Variants in STON1 observed in about 807,000 individuals in gnomAD.
STON1 encodes the protein stonin 1.
Under a neutral mutation model 60.9 loss-of-function variants are expected in STON1, and 79 were observed. The ratio of observed to expected loss-of-function variants is 1.30; its 90% CI spans 1.08 to 1.56. The LOEUF (loss-of-function observed/expected upper bound fraction) is 1.56, where lower values mean the gene tolerates loss of function less well. Among genes scored for constraint, STON1 ranks in the 40% most tolerant of loss-of-function variants. The pLI is 0.00. For synonymous variants in STON1, 363 were observed against 306.9 expected, an observed-to-expected ratio of 1.18 and a Z score of -1.91; for missense variants, 1,166 against 858.9, an observed-to-expected ratio of 1.36 and a Z score of -4.47.
In STON1 at chr2:48,564,555, CTTCTTCTT is replaced by C. The variant is rs1558605528; in HGVS notation, c.-47-16031_-47-16024del. The stretch of plus-strand genomic sequence containing the variant: ...TCTTCTTCTTCTTCTTCTTCTTCTT[CTTCTTCTT>C]CTTCTCCTTCTCCTTCTCCTCCTCC... On this transcript the variant is annotated intron_variant, in intron 1 of 3. Coordinates refer to ENST00000404752, the MANE Select transcript of STON1 (RefSeq NM_006873.4). Among the ~76,000 whole-genome samples the C allele has an allele frequency of 9.8e-4, 55 of 55,892 alleles. 1 individual carries two copies. The highest frequency in any genetic ancestry group is 2.1e-3 in the African/African-American group (30 of 14,460). The allele number at this position is 55,892 out of a possible 152,430, so 36.7% of individuals were successfully genotyped here.
chr2:48,540,057 G>A (rs1463918018), intron 1 of STON1, among the ~76,000 whole-genome samples: 8 of 152,048 alleles, frequency 5.3e-5, no homozygotes, highest in Admixed American at 1.3e-4. Flanking sequence ...CTCTTGCTGC[G>A]GTGGATTTCT....
At position 48,571,346 on chromosome 2, in the gene STON1, T is replaced by G. The variant is rs569954471; in HGVS notation, c.-47-9241T>G. Among the ~76,000 whole-genome samples, 7 of 152,252 alleles carry G rather than the reference T, an allele frequency of 4.6e-5. No homozygotes were observed. The South Asian group carries it at 1.2e-3, about 27-fold the overall frequency. ...GCTGGGGACTTGGTGCCAGGAGTGTTTGGTTCCCAGCTCTGCACTAACTGG... is the reference window on the plus strand; with the variant it reads ...GCTGGGGACTTGGTGCCAGGAGTGTGTGGTTCCCAGCTCTGCACTAACTGG... On this transcript the variant is annotated intron_variant, in intron 1 of 3. Transcript: ENST00000404752.
chr2:48,597,562 C>G lies in STON1; in HGVS notation c.*2260C>G, dbSNP rs1674835281. 1 of 152,430 alleles carries G rather than the reference C, an allele frequency of 6.6e-6. No individual in the cohort carries two copies. Among genetic ancestry groups the G allele is most frequent in the Non-Finnish European group, 1.5e-5 (1 of 68,052 alleles). 9.4% of individuals were successfully genotyped at this position (152,430 alleles called of 1,614,324 possible). A position where few individuals can be genotyped will look rare whatever the true frequency, so the allele number is the denominator to read the frequency against. On this transcript the variant is annotated 3_prime_UTR_variant, in exon 4 of 4. Transcript: ENST00000404752. Reference sequence around the variant, plus strand: ...CTAGTATCTGTGGGTACCTCCCTGCCCAGGTTATTCACTCACAAGCCACCG... The same window carrying G: ...CTAGTATCTGTGGGTACCTCCCTGCGCAGGTTATTCACTCACAAGCCACCG...
intron 1 of STON1, among the ~76,000 whole-genome samples, chr2:48,540,529 A>C (rs1472398496): frequency 2.0e-5 from 3 of 151,952 alleles, no homozygotes; most frequent in African/African-American, 4.8e-5. Flanking sequence ...AGGATGGTGC[A>C]CCCAGGCAGA....
At chr2:48,549,958 T>C (rs1332165442) in intron 1 of STON1, among the ~76,000 whole-genome samples, 1 of 151,592 alleles carries the variant, frequency 6.6e-6, no homozygotes, top group East Asian at 1.9e-4. Flanking sequence ...TTTGGGAGAA[T>C]ATAAGTCCAG....
At chr2:48,547,473 A>T (rs1671907499) in intron 1 of STON1, among the ~76,000 whole-genome samples, 1 of 152,224 alleles carries the variant, frequency 6.6e-6, no homozygotes, top group African/African-American at 2.4e-5. Flanking sequence ...TAGAGCTACG[A>T]GGCATGGCCA....
intron 1 of STON1, among the ~76,000 whole-genome samples, chr2:48,552,199 T>C (rs1449114180): frequency 6.6e-6 from 1 of 152,216 alleles, no homozygotes; most frequent in Non-Finnish European, 1.5e-5. Flanking sequence ...TAAGCTTCTG[T>C]ATGGATGGGC....
intron 3 of STON1, among the ~76,000 whole-genome samples, chr2:48,594,234 A>T (rs1003214829): frequency 5.3e-5 from 8 of 152,152 alleles, no homozygotes; most frequent in Non-Finnish European, 1.0e-4. Context: ...CTATAACACT[A>T]GGTATATATA....
intron 1 of STON1, among the ~76,000 whole-genome samples, chr2:48,575,950 G>A (rs1421875127): frequency 6.6e-6 from 1 of 151,186 alleles, no homozygotes; most frequent in Non-Finnish European, 1.5e-5. Flanking sequence ...TAGAGACAGG[G>A]TTTCACCATG....
In STON1 at chr2:48,593,065, A is replaced by G. The variant is rs72824132; in HGVS notation, c.2133+1210A>G. Among the ~76,000 whole-genome samples, 625 of 152,264 alleles carry G rather than the reference A, an allele frequency of 4.1e-3. 2 individuals carry two copies. Among genetic ancestry groups the G allele is most frequent in the South Asian group, 0.016 (77 of 4,824 alleles). On this transcript the variant is annotated intron_variant, in intron 3 of 3. Transcript: ENST00000404752. ...TAGATATATGGATGTCTCCTGCCAC[A>G]TATTTCCCACAGTATCTTGAAATGG...
chr2:48,582,337 A>G lies in STON1; in HGVS notation c.1704A>G (p.Ile568Met), dbSNP rs1337605857. The G allele has an allele frequency of 6.2e-7, 1 of 1,614,222 alleles. No homozygotes were observed. Among genetic ancestry groups the G allele is most frequent in the African/African-American group, 1.3e-5 (1 of 75,050 alleles). Residue 568 changes from isoleucine to methionine, a missense_variant, in exon 2 of 4, where the codon ATA (isoleucine) becomes ATG (methionine). Ile to Met is a conservative substitution (Grantham distance 10). Transcript: ENST00000404752. Reference sequence around the variant, plus strand: ...GTTCCTTAAGGTCCTGTGACAATATAAGGATACACTTTCCTGTCCCATCGC... The same window carrying G: ...GTTCCTTAAGGTCCTGTGACAATATGAGGATACACTTTCCTGTCCCATCGC... ...YAGSLRSCDN[I>M]RIHFPVPSQW...
chr2:48,567,622 C>T (rs1250847212), intron 1 of STON1, among the ~76,000 whole-genome samples: 2 of 151,976 alleles, frequency 1.3e-5, no homozygotes, highest in East Asian at 3.9e-4. Context: ...ATGTTGGTTT[C>T]GGACTCCTGA....
chr2:48,560,716 A>G (rs1672574352), intron 1 of STON1, among the ~76,000 whole-genome samples: 2 of 152,200 alleles, frequency 1.3e-5, no homozygotes, highest in South Asian at 4.1e-4. Flanking sequence ...CCACAGCTGC[A>G]GTGAGCACAG....
chr2:48,564,471 T>TCC (rs1672776023), intron 1 of STON1, among the ~76,000 whole-genome samples: 3 of 51,162 alleles, frequency 5.9e-5, no homozygotes, highest in African/African-American at 2.4e-4. Flanking sequence ...CTTCTTCTTC[T>TCC]TCTTCTTCTT....
chr2:48,543,529 C>CTTTTT (rs869048449), intron 1 of STON1, among the ~76,000 whole-genome samples: 2 of 128,208 alleles, frequency 1.6e-5, no homozygotes, highest in Admixed American at 7.8e-5. Flanking sequence ...TTAAAGATAA[C>CTTTTT]TTTTTTTTTT....
chr2:48,591,824 A>T lies in STON1; in HGVS notation c.2102A>T (p.His701Leu). ...GVESDVQPQK[H>L]VQQRACYNIQ... ...GAGAGTGATGTCCAGCCACAGAAAC[A>T]TGTTCAGCAGCGAGCTTGCTACAAC... The change falls in exon 3 of 4, where the codon CAT (histidine) becomes CTT (leucine). Residue 701 changes from histidine (H) to leucine (L), a missense_variant. Transcript: ENST00000404752. 6.2e-7 allele frequency: 1 copy of T among 1,614,176 alleles called. No individual in the cohort carries two copies. The highest frequency in any genetic ancestry group is 8.5e-7 in the Non-Finnish European group (1 of 1,180,010).
Position 48,540,633 on chromosome 2 carries a change from A to T in STON1, c.-48+10417A>T, listed in dbSNP as rs866359968. Among the ~76,000 whole-genome samples the T allele has an allele frequency of 5.9e-5, 9 of 152,188 alleles. No homozygotes were observed. The East Asian group carries it at 7.7e-4, about 13-fold the overall frequency. ...TTCTTTATAGTAAACCAGTAAACCT[A>T]AGTAACTTTCCCTGAGTTCTGTGAG... On this transcript the variant is annotated intron_variant, in intron 1 of 3. Coordinates refer to ENST00000404752, the MANE Select transcript of STON1 (RefSeq NM_006873.4).
intron 1 of STON1, among the ~76,000 whole-genome samples, chr2:48,563,976 GGTGTGAGC>G (rs1249974573): frequency 6.7e-6 from 1 of 150,296 alleles, no homozygotes; most frequent in Non-Finnish European, 1.5e-5. Flanking sequence ...TGGGATTACA[GGTGTGAGC>G]CACCACGCCT....
At chr2:48,564,426 T>C (rs1390171419) in intron 1 of STON1, among the ~76,000 whole-genome samples, 1 of 43,288 alleles carries the variant, frequency 2.3e-5, no homozygotes, top group African/African-American at 8.2e-5. Context: ...CTTCTTCTTC[T>C]TCTTCTTCTT....
Sources: gnomAD v4.1 joint callset for allele counts (sites outside exome capture counted in the v4.1 genomes callset) on GRCh38, gnomAD v4.1.1 for gene constraint, MANE v1.5 for transcripts, NCBI Gene and HGNC (gene_info 2026-07-23, HGNC 2026-07-21) for gene names.